Variants in ABCB5 observed in about 807,000 individuals in gnomAD.
ABCB5 encodes the protein ATP binding cassette subfamily B member 5.
Under a neutral mutation model 144.2 loss-of-function variants are expected in ABCB5, and 155 were observed. That is an observed-to-expected ratio of 1.08 (90% CI 0.94 to 1.23). The LOEUF is 1.23. ABCB5 is among the 50% of genes most tolerant of loss of function. The pLI, the probability that ABCB5 is intolerant of heterozygous loss-of-function variation, is 0.00. For missense variants in ABCB5, 1,830 were observed against 1,520.8 expected (o/e 1.20, Z -3.38); for synonymous variants, 610 against 528.6 (o/e 1.15, Z -2.11).
chr7:20,704,075 C>CTTTTTTTTTTTTTTTTTTTTTTTTTTTT, intron 19 of ABCB5, among the ~76,000 whole-genome samples: 1 of 80,772 alleles, frequency 1.2e-5, no homozygotes, highest in Non-Finnish European at 2.2e-5. Flanking sequence ...TATTGCCTTC[C>CTTTTTTTTTTTTTTTTTTTTTTTTTTTT]TTTTTTTTTT....
At chr7:20,712,482 C>G (rs531450989) in intron 20 of ABCB5, among the ~76,000 whole-genome samples, 1 of 149,450 alleles carries the variant, frequency 6.7e-6, no homozygotes, top group Admixed American at 6.7e-5. Context: ...CTAGTCTCAC[C>G]TCTCCTTCAA....
At chr7:20,688,368 T>C (rs1279449114) in intron 16 of ABCB5, among the ~76,000 whole-genome samples, 2 of 152,060 alleles carry the variant, frequency 1.3e-5, no homozygotes, top group African/African-American at 2.4e-5. Context: ...TAATGAATCA[T>C]TAAGAGGGGA....
At chr7:20,673,487 A>C (rs1257225187) in intron 14 of ABCB5, among the ~76,000 whole-genome samples, 5 of 152,064 alleles carry the variant, frequency 3.3e-5, no homozygotes, top group Admixed American at 6.5e-5. Flanking sequence ...TCTCTTGATG[A>C]ATCGAGCCCT....
At chr7:20,624,246 G>C (rs1034898146) in intron 2 of ABCB5, among the ~76,000 whole-genome samples, 8 of 152,176 alleles carry the variant, frequency 5.3e-5, no homozygotes, top group African/African-American at 1.9e-4. Flanking sequence ...CATGTGTTCG[G>C]CATATATTCC....
intron 23 of ABCB5, among the ~76,000 whole-genome samples, chr7:20,738,779 G>C (rs933993991): frequency 6.6e-6 from 1 of 152,148 alleles, no homozygotes; most frequent in African/African-American, 2.4e-5. Context: ...AAGCTCCAAA[G>C]TTCATTTTGG....
At chr7:20,642,771 G>A (rs1562533737) in intron 5 of ABCB5, among the ~76,000 whole-genome samples, 1 of 152,182 alleles carries the variant, frequency 6.6e-6, no homozygotes, top group Non-Finnish European at 1.5e-5. Flanking sequence ...ACCTTAGGGT[G>A]AATTCCTTAA....
At chr7:20,674,412 C>T (rs964436607) in intron 14 of ABCB5, among the ~76,000 whole-genome samples, 1 of 151,720 alleles carries the variant, frequency 6.6e-6, no homozygotes, top group Non-Finnish European at 1.5e-5. Context: ...GGTTTTTCTT[C>T]TTTAAATACC....
intron 14 of ABCB5, among the ~76,000 whole-genome samples, chr7:20,679,966 C>A (rs760359250): frequency 6.6e-6 from 1 of 151,996 alleles, no homozygotes; most frequent in African/African-American, 2.4e-5. Flanking sequence ...TTACAGCAAC[C>A]TATAAATAGT....
At chr7:20,734,983 G>A (rs1782339688) in intron 23 of ABCB5, among the ~76,000 whole-genome samples, 1 of 152,134 alleles carries the variant, frequency 6.6e-6, no homozygotes, top group Non-Finnish European at 1.5e-5. Flanking sequence ...CAGCTGACTT[G>A]CCTTTTGCAA....
intron 20 of ABCB5, 33 bp from the exon 21 acceptor site, chr7:20,722,983 G>C (rs560037106): frequency 1.9e-6 from 3 of 1,596,998 alleles, no homozygotes; most frequent in Non-Finnish European, 1.7e-6. Flanking sequence ...AAAGTTAATT[G>C]AGTTTTTTCC....
chr7:20,750,539 C>T (rs1280386593), intron 26 of ABCB5, among the ~76,000 whole-genome samples: 2 of 152,180 alleles, frequency 1.3e-5, no homozygotes, highest in Admixed American at 6.5e-5. Context: ...AATAAATAAT[C>T]AAATACATCT....
chr7:20,640,511 G>A (rs925414126), intron 5 of ABCB5, among the ~76,000 whole-genome samples: 2 of 152,158 alleles, frequency 1.3e-5, no homozygotes, highest in Non-Finnish European at 2.9e-5. Flanking sequence ...AGGAGCGCTA[G>A]CCATCAGTTC....
At chr7:20,672,782 A>G (rs988812382) in intron 14 of ABCB5, among the ~76,000 whole-genome samples, 2 of 152,072 alleles carry the variant, frequency 1.3e-5, no homozygotes, top group African/African-American at 2.4e-5. Context: ...TGTTGAAAAA[A>G]TTATCTTTTC....
At chr7:20,740,064 T>G (rs1782513351) in intron 24 of ABCB5, among the ~76,000 whole-genome samples, 1 of 152,010 alleles carries the variant, frequency 6.6e-6, no homozygotes. Flanking sequence ...ACCCCGTCTC[T>G]ACTAAAAATA....
chr7:20,641,377 A>G lies in ABCB5; in HGVS notation c.315-1807A>G, dbSNP rs578165581. 3.0e-4 allele frequency among the ~76,000 whole-genome samples: 45 copies of G among 151,584 alleles called. No homozygotes were observed. The South Asian group carries it at 9.0e-3, about 30-fold the overall frequency. ...AACACACACACACACACACACACAC[A>G]AACTATAAAACACTAGTGTGCACCT... On this transcript the variant is annotated intron_variant, in intron 5 of 27. Coordinates refer to ENST00000404938, the MANE Select transcript of ABCB5 (RefSeq NM_001163941.2).
chr7:20,737,030 C>T (rs1782400813), intron 23 of ABCB5, among the ~76,000 whole-genome samples: 1 of 152,032 alleles, frequency 6.6e-6, no homozygotes, highest in South Asian at 2.1e-4. Flanking sequence ...CATGGTGGTG[C>T]ATGCCTGTAA....
chr7:20,708,879 T>A (rs1786914371), intron 20 of ABCB5, among the ~76,000 whole-genome samples: 1 of 152,226 alleles, frequency 6.6e-6, no homozygotes, highest in Non-Finnish European at 1.5e-5. Flanking sequence ...TACTTTGGAT[T>A]GTACTTATTT....
intron 5 of ABCB5, among the ~76,000 whole-genome samples, chr7:20,640,443 GAA>G (rs1229285311): frequency 6.6e-6 from 1 of 152,092 alleles, no homozygotes; most frequent in Non-Finnish European, 1.5e-5. Flanking sequence ...ACTCCTGAAT[GAA>G]ACTTATCTGA....
intron 16 of ABCB5, among the ~76,000 whole-genome samples, chr7:20,686,082 T>A (rs1239025575): frequency 6.6e-6 from 1 of 152,134 alleles, no homozygotes; most frequent in East Asian, 1.9e-4. Flanking sequence ...GACTGTTACA[T>A]GATGTTTTTC....
Sources: gnomAD v4.1 joint callset for allele counts (sites outside exome capture counted in the v4.1 genomes callset) on GRCh38, gnomAD v4.1.1 for gene constraint, MANE v1.5 for transcripts, NCBI Gene and HGNC (gene_info 2026-07-23, HGNC 2026-07-21) for gene names.